COLGALT2: variants seen among roughly 807,000 people sequenced by gnomAD.
COLGALT2 encodes procollagen galactosyltransferase 2.
Under a neutral mutation model 73.4 loss-of-function variants are expected in COLGALT2, and 49 were observed. The ratio of observed to expected loss-of-function variants is 0.67; its 90% CI spans 0.53 to 0.85. The LOEUF (loss-of-function observed/expected upper bound fraction) is 0.85. Ranked by LOEUF, COLGALT2 falls within the 40% of genes least tolerant of loss-of-function variation. The pLI, the probability that COLGALT2 is intolerant of heterozygous loss-of-function variation, is 0.00. For synonymous variants in COLGALT2, 295 were observed against 307.6 expected (o/e 0.96, Z 0.43); for missense variants, 722 against 790.2 (o/e 0.91, Z 1.03).
At chr1:183,966,438 C>G (rs1670874830) in intron 5 of COLGALT2, among the ~76,000 whole-genome samples, 1 of 152,172 alleles carries the variant, frequency 6.6e-6, no homozygotes, top group African/African-American at 2.4e-5. Context: ...AAATCAGATT[C>G]AGGCTGTCAC....
intron 1 of COLGALT2, among the ~76,000 whole-genome samples, chr1:184,000,288 T>C (rs115318511): frequency 0.016 from 2,436 of 152,248 alleles, 61 homozygotes; most frequent in African/African-American, 0.054. Context: ...GCAGTGGTGG[T>C]ACTTTTTTTC....
Position 183,936,613 on chromosome 1 carries a change from TA to T in COLGALT2, c.*2147del. 1 of 1,184,898 alleles carries T rather than the reference TA, an allele frequency of 8.4e-7. No individual in the cohort carries two copies. The allele number at this position is 1,184,898 out of a possible 1,614,324, so 73.4% of individuals were successfully genotyped here. Reference sequence around the variant, plus strand: ...GCACCCCAGCCACCTCCCACCCCATTAAAAAAGTCATTAAAGTCATGCACAC... The same window carrying T: ...GCACCCCAGCCACCTCCCACCCCATTAAAAAGTCATTAAAGTCATGCACAC... On this transcript the variant is annotated 3_prime_UTR_variant, in exon 12 of 12. Transcript: ENST00000361927.
intron 6 of COLGALT2, among the ~76,000 whole-genome samples, chr1:183,960,986 T>C (rs1197594722): frequency 2.0e-5 from 3 of 152,216 alleles, no homozygotes; most frequent in Non-Finnish European, 2.9e-5. Context: ...TAGTTAATCT[T>C]TTATTAGAGA....
intron 6 of COLGALT2, among the ~76,000 whole-genome samples, chr1:183,957,388 C>A (rs933491066): frequency 6.6e-6 from 1 of 152,138 alleles, no homozygotes; most frequent in Non-Finnish European, 1.5e-5. Flanking sequence ...TCCTTGGTGG[C>A]CACTGGTATT....
At chr1:184,008,654 C>T (rs1479603013) in intron 1 of COLGALT2, among the ~76,000 whole-genome samples, 1 of 152,050 alleles carries the variant, frequency 6.6e-6, no homozygotes, top group Admixed American at 6.6e-5. Context: ...CCCTTGAGCC[C>T]CAGAGTTCAA....
At chr1:183,993,789 G>A (rs1039102676) in intron 1 of COLGALT2, among the ~76,000 whole-genome samples, 9 of 150,670 alleles carry the variant, frequency 6.0e-5, no homozygotes, top group Admixed American at 2.0e-4. Flanking sequence ...AGAACATGTC[G>A]CTGTTAAAAT....
chr1:183,989,899 G>A (rs557842782), intron 1 of COLGALT2, among the ~76,000 whole-genome samples: 1 of 152,174 alleles, frequency 6.6e-6, no homozygotes, highest in Non-Finnish European at 1.5e-5. Context: ...GAGCTTTCAA[G>A]AACACTTTCC....
intron 1 of COLGALT2, among the ~76,000 whole-genome samples, chr1:183,989,203 G>A (rs1230113692): frequency 6.6e-6 from 1 of 152,160 alleles, no homozygotes; most frequent in Non-Finnish European, 1.5e-5. Flanking sequence ...CAGATGCAAG[G>A]GCCCAGGAAT....
At chr1:184,029,233 G>T (rs1375533702) in intron 1 of COLGALT2, among the ~76,000 whole-genome samples, 2 of 152,190 alleles carry the variant, frequency 1.3e-5, no homozygotes, top group African/African-American at 2.4e-5. Flanking sequence ...CCTATAATGA[G>T]ATTTTTATTT....
intron 6 of COLGALT2, among the ~76,000 whole-genome samples, chr1:183,963,014 C>T (rs1670758109): frequency 6.6e-6 from 1 of 152,332 alleles, no homozygotes; most frequent in Middle Eastern, 3.4e-3. Context: ...TGATGAATAA[C>T]AGAAAATAGT....
intron 1 of COLGALT2, among the ~76,000 whole-genome samples, chr1:183,981,954 T>C (rs1322129608): frequency 1.3e-5 from 2 of 152,170 alleles, no homozygotes; most frequent in Non-Finnish European, 2.9e-5. Context: ...CATAGAGGTA[T>C]GTAAGTAATA....
intron 1 of COLGALT2, among the ~76,000 whole-genome samples, chr1:184,021,417 G>C (rs188971403): frequency 2.7e-4 from 41 of 152,290 alleles, no homozygotes; most frequent in Middle Eastern, 6.8e-3. Flanking sequence ...CTGCCCTCAT[G>C]AGTGGACTAC....
chr1:183,976,275 G>A (rs115381285), intron 2 of COLGALT2, among the ~76,000 whole-genome samples: 3,046 of 151,602 alleles, frequency 0.02, 51 homozygotes, highest in Middle Eastern at 0.048. Context: ...AATCTTTTAC[G>A]GTGTTCAGAC....
intron 1 of COLGALT2, among the ~76,000 whole-genome samples, chr1:183,995,355 C>T (rs1195879519): frequency 1.3e-5 from 2 of 152,214 alleles, no homozygotes; most frequent in Non-Finnish European, 2.9e-5. Flanking sequence ...CAGTTCAAAA[C>T]ACATATAGTC....
Position 183,940,687 on chromosome 1 carries a change from A to G in COLGALT2, c.1498T>C (p.Tyr500His), listed in dbSNP as rs775105470. The change falls in exon 11 of 12, where the codon TAC (tyrosine) becomes CAC (histidine). Residue 500 changes from tyrosine to histidine, a missense_variant. Transcript: ENST00000361927. ...EADYSYWTLG[Y>H]VISLEGAQKL... The stretch of plus-strand genomic sequence containing the variant: ...TGTGCTCCTTCCAGAGAGATGACGT[A>G]GCCCAGGGTCCAGTAGGAATAGTCG... The G allele has an allele frequency of 6.2e-7, 1 of 1,614,246 alleles. No homozygotes were observed. The highest frequency in any genetic ancestry group is 2.2e-5 in the East Asian group (1 of 44,886).
chr1:183,974,440 T>C (rs1343043766), intron 3 of COLGALT2, among the ~76,000 whole-genome samples: 1 of 152,236 alleles, frequency 6.6e-6, no homozygotes, highest in African/African-American at 2.4e-5. Context: ...TGATAGTCCA[T>C]CTGTTTACCC....
At chr1:183,950,209 A>C in intron 8 of COLGALT2, among the ~76,000 whole-genome samples, 1 of 152,110 alleles carries the variant, frequency 6.6e-6, no homozygotes, top group East Asian at 1.9e-4. Context: ...CTGAGATGGG[A>C]CTGAGGGAGC....
At chr1:183,983,022 CTTAGAAA>C (rs1285103649) in intron 1 of COLGALT2, among the ~76,000 whole-genome samples, 1 of 152,232 alleles carries the variant, frequency 6.6e-6, no homozygotes, top group African/African-American at 2.4e-5. Context: ...GATGAACATC[CTTAGAAA>C]TTAGCTGCCT....
chr1:183,975,259 A>G, intron 2 of COLGALT2, 45 bp from the exon 3 acceptor site: 2 of 1,213,720 alleles, frequency 1.6e-6, no homozygotes, highest in South Asian at 2.5e-5. Context: ...GCCTACATGT[A>G]CCAGGCTCTG....
Sources: allele counts gnomAD v4.1 joint callset (sites outside exome capture counted in the v4.1 genomes callset), GRCh38; gene constraint gnomAD v4.1.1; transcripts MANE v1.5; gene names NCBI Gene and HGNC (gene_info 2026-07-23, HGNC 2026-07-21).